Variants in USP10 observed in about 807,000 individuals in gnomAD.
The protein encoded by USP10 is ubiquitin specific peptidase 10.
A neutral mutation model predicts 84.5 loss-of-function variants in USP10; 22 were observed. The ratio of observed to expected loss-of-function variants is 0.26; its 90% confidence interval spans 0.19 to 0.37. The LOEUF is 0.37. Ranked by LOEUF, USP10 falls within the 10% of genes least tolerant of loss-of-function variation. The pLI, the probability that USP10 is intolerant of heterozygous loss-of-function variation, is 1.00. For synonymous variants in USP10, 454 were observed against 387.6 expected (o/e 1.17, Z -2.01); for missense variants, 1,019 against 998.9 (o/e 1.02, Z -0.27).
At chr16:84,774,659 A>G (rs887145263) in intron 12 of USP10, among the ~76,000 whole-genome samples, 1 of 151,762 alleles carries the variant, frequency 6.6e-6, no homozygotes, top group African/African-American at 2.4e-5. Context: ...TTTAATAGAG[A>G]CGTGGTTTCA....
chr16:84,724,636 C>T (rs1288030273), intron 1 of USP10, among the ~76,000 whole-genome samples: 1 of 152,158 alleles, frequency 6.6e-6, no homozygotes. Context: ...CTCCTTCTTC[C>T]TTTGTCTGCT....
At position 84,758,774 on chromosome 16, in the gene USP10, G is replaced by C. The variant is rs1440754537; in HGVS notation, c.1251G>C (p.Leu417=). ...CAGTGTCGTTGCAACCCCGTGGGCT[G>C]ATCAATAAAGGGAACTGGTGCTACA... ...HKPVSLQPRG[L]INKGNWCYIN... The change falls in exon 5 of 14, where the codon CTG becomes CTC. Residue 417 remains leucine, a synonymous_variant. Transcript: ENST00000219473. 1.9e-6 allele frequency: 3 copies of C among 1,613,854 alleles called. No homozygotes were observed. The South Asian group carries it at 3.3e-5, about 18-fold the overall frequency.
chr16:84,775,690 C>A (rs1221510339), intron 13 of USP10, among the ~76,000 whole-genome samples: 1 of 152,188 alleles, frequency 6.6e-6, no homozygotes, highest in East Asian at 1.9e-4. Context: ...TACACAAGCT[C>A]CTCGGCTGCC....
At chr16:84,715,467 C>G (rs538602095) in intron 1 of USP10, among the ~76,000 whole-genome samples, 67 of 152,246 alleles carry the variant, frequency 4.4e-4, no homozygotes, top group South Asian at 3.1e-3. Flanking sequence ...ATGAGCTAGT[C>G]TTGAGAAGGA....
At chr16:84,775,401 C>T (rs747666006) in intron 13 of USP10, among the ~76,000 whole-genome samples, 176 bp downstream of exon 13, 4 of 152,168 alleles carry the variant, frequency 2.6e-5, no homozygotes, top group Admixed American at 1.3e-4. Flanking sequence ...GCGTAGATGA[C>T]GGATTATCAT....
chr16:84,776,935 C>T (rs1446175523), intron 13 of USP10, among the ~76,000 whole-genome samples: 1 of 152,212 alleles, frequency 6.6e-6, no homozygotes, highest in East Asian at 1.9e-4. Context: ...GCCTCAGCCC[C>T]CCGAGTAGCT....
At chr16:84,731,567 A>C (rs947308961) in intron 1 of USP10, among the ~76,000 whole-genome samples, 1 of 152,192 alleles carries the variant, frequency 6.6e-6, no homozygotes, top group East Asian at 1.9e-4. Context: ...TCTCTTTTGC[A>C]CTTGAAAAGT....
intron 1 of USP10, among the ~76,000 whole-genome samples, chr16:84,701,127 T>A (rs951146780): frequency 1.3e-5 from 2 of 152,242 alleles, no homozygotes; most frequent in Non-Finnish European, 2.9e-5. Context: ...TAACCCTTCA[T>A]GAGCAATTGG....
At chr16:84,734,123 C>T (rs1252288026) in intron 2 of USP10, among the ~76,000 whole-genome samples, 2 of 152,144 alleles carry the variant, frequency 1.3e-5, no homozygotes, top group Non-Finnish European at 1.5e-5. Context: ...TGGGCTCCTC[C>T]GGGACACAGA....
At chr16:84,719,197 G>A (rs532697544) in intron 1 of USP10, among the ~76,000 whole-genome samples, 8 of 152,276 alleles carry the variant, frequency 5.3e-5, no homozygotes, top group Admixed American at 3.9e-4. Context: ...ACATCTGGAT[G>A]TTGTTCATCA....
intron 3 of USP10, among the ~76,000 whole-genome samples, chr16:84,741,028 TC>T (rs1235744349): frequency 1.3e-5 from 2 of 152,266 alleles, no homozygotes; most frequent in Non-Finnish European, 1.5e-5. Flanking sequence ...AGATCATTTT[TC>T]AATCTGAATC....
At chr16:84,720,243 G>T (rs573907253) in intron 1 of USP10, among the ~76,000 whole-genome samples, 1 of 152,206 alleles carries the variant, frequency 6.6e-6, no homozygotes, top group Non-Finnish European at 1.5e-5. Flanking sequence ...GGCGATGTGC[G>T]TTCCTTCCTG....
At chr16:84,706,496 A>G (rs1015820562) in intron 1 of USP10, among the ~76,000 whole-genome samples, 8 of 147,732 alleles carry the variant, frequency 5.4e-5, no homozygotes, top group African/African-American at 2.0e-4. Context: ...ATTTATTTGT[A>G]TATGTATTTA....
chr16:84,760,296 C>A, intron 8 of USP10, 21 bp downstream of exon 8: 1 of 1,569,614 alleles, frequency 6.4e-7, no homozygotes, highest in Non-Finnish European at 8.7e-7. Context: ...TCTCTGTTGT[C>A]ACTAGTATCA....
intron 1 of USP10, among the ~76,000 whole-genome samples, chr16:84,726,473 C>A (rs1052500540): frequency 6.6e-6 from 1 of 152,226 alleles, no homozygotes; most frequent in African/African-American, 2.4e-5. Context: ...AACTCAGGCC[C>A]CCTGAGGGCC....
At chr16:84,776,793 C>G (rs566995048) in intron 13 of USP10, among the ~76,000 whole-genome samples, 2 of 152,290 alleles carry the variant, frequency 1.3e-5, no homozygotes, top group East Asian at 3.9e-4. Flanking sequence ...CTCTCCCCTG[C>G]CCTCCTGAAT....
At chr16:84,746,130 C>T (rs1053162226) in intron 4 of USP10, among the ~76,000 whole-genome samples, 2 of 147,044 alleles carry the variant, frequency 1.4e-5, no homozygotes, top group Non-Finnish European at 3.0e-5. Context: ...GGATTTTATT[C>T]AGAATTTTGA....
chr16:84,737,711 A>C (rs922512610), intron 2 of USP10, among the ~76,000 whole-genome samples: 1 of 152,132 alleles, frequency 6.6e-6, no homozygotes, highest in Non-Finnish European at 1.5e-5. Context: ...TGGCACTGTC[A>C]CCTGGCTTCC....
chr16:84,715,488 C>T (rs184889868), intron 1 of USP10, among the ~76,000 whole-genome samples: 2 of 151,994 alleles, frequency 1.3e-5, no homozygotes, highest in East Asian at 1.9e-4. Flanking sequence ...ATAGGATCTC[C>T]GCCTCCCAAA....
Sources: allele counts gnomAD v4.1 joint callset (sites outside exome capture counted in the v4.1 genomes callset), GRCh38; gene constraint gnomAD v4.1.1; transcripts MANE v1.5; gene names NCBI Gene and HGNC (gene_info 2026-07-23, HGNC 2026-07-21).